Variants in DYNC2H1 observed in about 807,000 individuals in gnomAD.
DYNC2H1 encodes the protein dynein cytoplasmic 2 heavy chain 1.
DYNC2H1 carries 410 observed loss-of-function variants against 570.0 expected under a neutral mutation model. That is an observed-to-expected ratio of 0.72 (90% CI 0.66 to 0.78). DYNC2H1 has a LOEUF of 0.78. DYNC2H1 is among the 30% of genes least tolerant of loss of function. The pLI, the probability that DYNC2H1 is intolerant of heterozygous loss-of-function variation, is 0.00. For synonymous variants in DYNC2H1, 1,688 were observed against 1,677.6 expected (o/e 1.01, Z -0.15); for missense variants, 4,865 against 5,046.4 (o/e 0.96, Z 1.09).
chr11:103,340,393 A>C (rs1017206169), intron 82 of DYNC2H1, among the ~76,000 whole-genome samples: 3 of 117,586 alleles, frequency 2.6e-5, no homozygotes, highest in African/African-American at 9.5e-5. Context: ...ACATTGAGAA[A>C]ATCTTGACAT....
intron 54 of DYNC2H1, among the ~76,000 whole-genome samples, chr11:103,215,239 A>C (rs1242465400): frequency 6.6e-6 from 1 of 152,170 alleles, no homozygotes; most frequent in African/African-American, 2.4e-5. Flanking sequence ...AGTTCTTAGA[A>C]AAGGCTTCCA....
chr11:103,375,251 G>A (rs770572852), intron 83 of DYNC2H1, among the ~76,000 whole-genome samples: 19 of 152,214 alleles, frequency 1.2e-4, no homozygotes, highest in Admixed American at 7.2e-4. Flanking sequence ...GAGGGTGTAT[G>A]GTAATAGATG....
chr11:103,287,618 CT>C lies in DYNC2H1; in HGVS notation c.11095+17del. The C allele has an allele frequency of 3.1e-6, 5 of 1,601,608 alleles. No homozygotes were observed. The highest frequency in any genetic ancestry group is 4.3e-6 in the Non-Finnish European group (5 of 1,174,396). ...TGTAAAACTCTGGGTAAGTGTGATG[CT>C]TTTCAAGAACTAGACCACTGACCTG... On this transcript the variant is annotated intron_variant, in intron 75 of 88. Coordinates refer to ENST00000375735, the MANE Select transcript of DYNC2H1 (RefSeq NM_001377.3).
chr11:103,284,688 G>A (rs1425434721), intron 73 of DYNC2H1, among the ~76,000 whole-genome samples: 2 of 152,010 alleles, frequency 1.3e-5, no homozygotes, highest in Non-Finnish European at 2.9e-5. Context: ...TTTAATTTAA[G>A]TTACATAATG....
chr11:103,162,099 G>A (rs1861117488), intron 29 of DYNC2H1, among the ~76,000 whole-genome samples: 1 of 152,104 alleles, frequency 6.6e-6, no homozygotes, highest in South Asian at 2.1e-4. Context: ...TACACAGAGG[G>A]ACAGAGCTTA....
intron 59 of DYNC2H1, among the ~76,000 whole-genome samples, chr11:103,223,619 C>T (rs1412576367): frequency 2.0e-5 from 3 of 152,038 alleles, no homozygotes; most frequent in Admixed American, 6.6e-5. Flanking sequence ...CTCCTGACCT[C>T]AGGTGATTCA....
intron 36 of DYNC2H1, among the ~76,000 whole-genome samples, chr11:103,174,638 G>A (rs1861720563): frequency 6.6e-6 from 1 of 152,046 alleles, no homozygotes; most frequent in African/African-American, 2.4e-5. Flanking sequence ...ACACATGTAG[G>A]ATTTTCTCTT....
chr11:103,348,912 C>T lies in DYNC2H1; in HGVS notation c.12040-9331C>T, dbSNP rs185128649. Among the ~76,000 whole-genome samples, 41 of 152,162 alleles carry T rather than the reference C, an allele frequency of 2.7e-4. No homozygotes were observed. The East Asian group carries it at 5.8e-3, about 22-fold the overall frequency. Reference sequence around the variant, plus strand: ...TCTGATGGTTTTATAAGGGGCTTTCCCCCACATTGCTCTGCACTTCTCTCT... The same window carrying T: ...TCTGATGGTTTTATAAGGGGCTTTCTCCCACATTGCTCTGCACTTCTCTCT... On this transcript the variant is annotated intron_variant, in intron 82 of 88. Coordinates refer to ENST00000375735, the MANE Select transcript of DYNC2H1 (RefSeq NM_001377.3).
At position 103,259,930 on chromosome 11, in the gene DYNC2H1, T is replaced by A; in HGVS notation, c.10648T>A (p.Ser3550Thr). Reference protein sequence around the residue: ...TEQRIQSLISSLQHMVYEYIC... With the variant: ...TEQRIQSLISTLQHMVYEYIC... ...ACAGAGAATCCAGTCACTTATCAGC[T>A]CATTACAACATATGGTATATGAATA... is the stretch of plus-strand genomic sequence containing the variant. The change falls in exon 70 of 89, where the codon TCA (serine) becomes ACA (threonine). Residue 3550 changes from serine (S) to threonine (T), a missense_variant. By Grantham distance (58) the Ser-to-Thr change is moderately conservative. This residue lies in a region of DYNC2H1 where 2,401 missense variants were observed against 2,454.6 expected (regional missense o/e 0.98). Transcript: ENST00000375735. The A allele has an allele frequency of 6.4e-7, 1 of 1,551,276 alleles. No homozygotes were observed. The highest frequency in any genetic ancestry group is 8.7e-7 in the Non-Finnish European group (1 of 1,147,102).
At chr11:103,188,440 A>G in intron 43 of DYNC2H1, 57 bp from the exon 44 acceptor site, 1 of 1,358,532 alleles carries the variant, frequency 7.4e-7, no homozygotes, top group Non-Finnish European at 1.0e-6. Context: ...AATATCCTTT[A>G]TCATGATTAG....
chr11:103,192,342 TA>T, intron 47 of DYNC2H1, 78 bp downstream of exon 47: 1 of 1,080,880 alleles, frequency 9.3e-7, no homozygotes, highest in Non-Finnish European at 1.2e-6. Context: ...AGCATGATTT[TA>T]TAGGTCTAAA....
rs1944435536 is a variant in DYNC2H1, at chr11:103,446,706, T to C, written c.12457-8480T>C. On this transcript the variant is annotated intron_variant, in intron 85 of 88. Transcript: ENST00000375735. This position sits in a 1 kb window ranked among gnomAD's most constrained non-coding sequence, Gnocchi z 4.5. ...TTTTAATATAGGGGATTTTTGACCA[T>C]ATCTGTGTTCACTATAAATTTTTAA... 1.3e-5 allele frequency among the ~76,000 whole-genome samples: 2 copies of C among 152,180 alleles called. No homozygotes were observed. Among genetic ancestry groups the C allele is most frequent in the Non-Finnish European group, 2.9e-5 (2 of 67,994 alleles).
intron 78 of DYNC2H1, among the ~76,000 whole-genome samples, chr11:103,309,825 G>T (rs1867493147): frequency 6.6e-6 from 1 of 152,066 alleles, no homozygotes; most frequent in Admixed American, 6.6e-5. Flanking sequence ...ATTTCGATAA[G>T]AGAGTATTAT....
In DYNC2H1 at chr11:103,155,168, A is replaced by T. The variant is rs190268884; in HGVS notation, c.3574-163A>T. Among the ~76,000 whole-genome samples the T allele has an allele frequency of 9.6e-3, 1,459 of 152,246 alleles. 7 individuals carry two copies. Among genetic ancestry groups the T allele is most frequent in the Non-Finnish European group, 0.016 (1,081 of 67,984 alleles). On this transcript the variant is annotated intron_variant, in intron 24 of 88. Coordinates refer to ENST00000375735, the MANE Select transcript of DYNC2H1 (RefSeq NM_001377.3). ...ATGGCAACATTTAATCAAAAGCTTTATACAATTCTGTTTAAGAATATGATT... is the reference window on the plus strand; with the variant it reads ...ATGGCAACATTTAATCAAAAGCTTTTTACAATTCTGTTTAAGAATATGATT...
chr11:103,115,741 G>A (rs1253701212), intron 4 of DYNC2H1, among the ~76,000 whole-genome samples: 2 of 152,020 alleles, frequency 1.3e-5, no homozygotes, highest in Non-Finnish European at 2.9e-5. Context: ...AGCGGAGATC[G>A]TGCCATTGCA....
intron 82 of DYNC2H1, among the ~76,000 whole-genome samples, chr11:103,342,170 T>C (rs1008371265): frequency 2.6e-5 from 4 of 151,042 alleles, no homozygotes; most frequent in Non-Finnish European, 5.9e-5. Flanking sequence ...TTACAAGAGG[T>C]TTGTAAAATG....
At chr11:103,267,597 G>A (rs889166168) in intron 70 of DYNC2H1, among the ~76,000 whole-genome samples, 4 of 151,822 alleles carry the variant, frequency 2.6e-5, no homozygotes, top group African/African-American at 9.7e-5. Flanking sequence ...ATTGTATAAT[G>A]TATTATCTCA....
Position 103,479,365 on chromosome 11 carries a change from A to G in DYNC2H1, c.*112A>G. ...AAATGTTAGTTCAAAATATTAACAT[A>G]TAGTTATGTTGTTGATGTCACTGAA... On this transcript the variant is annotated 3_prime_UTR_variant, in exon 89 of 89. Transcript: ENST00000375735. The G allele has an allele frequency of 2.4e-6, 3 of 1,265,614 alleles. No individual in the cohort carries two copies. Among genetic ancestry groups the G allele is most frequent in the South Asian group, 1.9e-5 (1 of 51,724 alleles). 78.4% of individuals were successfully genotyped at this position (1,265,614 alleles called of 1,614,324 possible). A position where few individuals can be genotyped will look rare whatever the true frequency, so the allele number is the denominator to read the frequency against.
At chr11:103,421,925 A>G (rs1943503331) in intron 84 of DYNC2H1, among the ~76,000 whole-genome samples, 1 of 151,616 alleles carries the variant, frequency 6.6e-6, no homozygotes, top group South Asian at 2.1e-4. Flanking sequence ...TTTTTTTTAT[A>G]ACAAAATAGA....
Sources: allele counts gnomAD v4.1 joint callset (sites outside exome capture counted in the v4.1 genomes callset), GRCh38; gene constraint gnomAD v4.1.1; regional missense constraint gnomAD v4.1.1; non-coding constraint Gnocchi (gnomAD v3.1); transcripts MANE v1.5; gene names NCBI Gene and HGNC (gene_info 2026-07-23, HGNC 2026-07-21).